Variants in BCHE observed in about 807,000 individuals in gnomAD.
BCHE encodes butyrylcholinesterase.
In BCHE, 48 loss-of-function variants were observed where a neutral mutation model predicts 51.3. That is an observed-to-expected ratio of 0.94 (90% CI 0.74 to 1.19). BCHE has a LOEUF of 1.19. Ranked by LOEUF, BCHE falls within the 50% of genes most tolerant of loss-of-function variation. The pLI, the probability that BCHE is intolerant of heterozygous loss-of-function variation, is 0.00. For missense variants in BCHE, 847 were observed against 708.2 expected, an observed-to-expected ratio of 1.20 and a Z score of -2.23; for synonymous variants, 251 against 238.0, an observed-to-expected ratio of 1.05 and a Z score of -0.50.
intron 2 of BCHE, among the ~76,000 whole-genome samples, chr3:165,821,298 A>G (rs2108228665): frequency 6.6e-6 from 1 of 152,020 alleles, no homozygotes; most frequent in East Asian, 1.9e-4. Context: ...TTGCACAAAT[A>G]CTATATAATA....
At chr3:165,796,067 G>T (rs1405431904) in intron 2 of BCHE, among the ~76,000 whole-genome samples, 2 of 151,948 alleles carry the variant, frequency 1.3e-5, no homozygotes, top group African/African-American at 4.8e-5. Flanking sequence ...AAATAAAAAA[G>T]AAGACTTATT....
chr3:165,833,736 C>T (rs78259038), intron 1 of BCHE, among the ~76,000 whole-genome samples: 1 of 152,034 alleles, frequency 6.6e-6, no homozygotes, highest in African/African-American at 2.4e-5. Flanking sequence ...ATCCTTTTCT[C>T]TTTAATAAAT....
At chr3:165,817,866 A>G (rs145652421) in intron 2 of BCHE, among the ~76,000 whole-genome samples, 283 of 152,214 alleles carry the variant, frequency 1.9e-3, no homozygotes, top group African/African-American at 6.6e-3. Context: ...GCAAATAAAA[A>G]ACAGTGAGGC....
At chr3:165,828,531 G>A (rs1019117700) in intron 2 of BCHE, among the ~76,000 whole-genome samples, 1 of 152,070 alleles carries the variant, frequency 6.6e-6, no homozygotes, top group African/African-American at 2.4e-5. Context: ...ACACCAGAAA[G>A]CAATAATGTA....
intron 2 of BCHE, among the ~76,000 whole-genome samples, chr3:165,789,415 A>G (rs1182704141): frequency 1.3e-5 from 2 of 152,144 alleles, no homozygotes; most frequent in Non-Finnish European, 2.9e-5. Context: ...AAAAGACATC[A>G]ATTGATTCAG....
At chr3:165,794,309 A>C (rs572444890) in intron 2 of BCHE, among the ~76,000 whole-genome samples, 3 of 152,288 alleles carry the variant, frequency 2.0e-5, no homozygotes, top group East Asian at 3.9e-4. Flanking sequence ...ATGAATCTTT[A>C]AAGATAAAAG....
chr3:165,830,274 A>G lies in BCHE; in HGVS notation c.760T>C (p.Ser254Pro). Residue 254 changes from serine to proline, a missense_variant, in exon 2 of 4, where the codon TCC (serine) becomes CCC (proline). Ser to Pro is a moderately conservative substitution (Grantham distance 74). Coordinates refer to ENST00000264381, the MANE Select transcript of BCHE (RefSeq NM_000055.4). ...LFTRAILQSG[S>P]FNAPWAVTSL... ...GTTACCGCCCAAGGAGCATTAAAGG[A>G]TCCACTTTGCAGAATGGCTCTGGTG... is the stretch of plus-strand genomic sequence containing the variant. 1 of 1,614,040 alleles carries G rather than the reference A, an allele frequency of 6.2e-7. No homozygotes were observed. Among genetic ancestry groups the G allele is most frequent in the Non-Finnish European group, 8.5e-7 (1 of 1,179,946 alleles).
In BCHE at chr3:165,829,584, A is replaced by G. The variant is rs751404124; in HGVS notation, c.1450T>C (p.Tyr484His). The stretch of plus-strand genomic sequence containing the variant: ...CTCAAAATTTCCTCGGCTTTTGTGT[A>G]ATTATCTCTTCTTTCCAGAGGTAAA... ...FGLPLERRDN[Y>H]TKAEEILSRS... Residue 484 changes from tyrosine to histidine, a missense_variant, in exon 2 of 4, where the codon TAC (tyrosine) becomes CAC (histidine). Physicochemically the swap from Tyr to His is moderately conservative, Grantham distance 83 (BLOSUM62 2). Transcript: ENST00000264381. The G allele has an allele frequency of 1.2e-6, 2 of 1,613,814 alleles. No individual in the cohort carries two copies. The highest frequency in any genetic ancestry group is 2.2e-5 in the South Asian group (2 of 91,082).
intron 2 of BCHE, among the ~76,000 whole-genome samples, chr3:165,806,756 A>T (rs1234187788): frequency 6.6e-6 from 1 of 152,138 alleles, no homozygotes; most frequent in Non-Finnish European, 1.5e-5. Context: ...ATAGTTTTTT[A>T]AATCTGCCTA....
intron 2 of BCHE, chr3:165,827,945 A>G (rs1714794702): frequency 2.3e-6 from 1 of 427,684 alleles, no homozygotes; most frequent in Non-Finnish European, 4.6e-6. Context: ...ACCAGCTCTC[A>G]TTCAATCATT....
intron 2 of BCHE, among the ~76,000 whole-genome samples, chr3:165,807,338 C>A (rs1335720946): frequency 1.3e-5 from 2 of 151,696 alleles, no homozygotes; most frequent in Non-Finnish European, 2.9e-5. Context: ...TTTTCTAGAA[C>A]CTTATTTGTC....
At chr3:165,798,964 G>A (rs1713533017) in intron 2 of BCHE, among the ~76,000 whole-genome samples, 1 of 152,098 alleles carries the variant, frequency 6.6e-6, no homozygotes, top group East Asian at 1.9e-4. Flanking sequence ...CATTCTCAAT[G>A]ATAGAATTAC....
intron 3 of BCHE, 41 bp downstream of exon 3, chr3:165,786,104 C>A: frequency 6.3e-7 from 1 of 1,582,802 alleles, no homozygotes; most frequent in East Asian, 2.2e-5. Context: ...TTTACATAAC[C>A]CATCATCTAT....
chr3:165,776,231 T>A (rs565092800), intron 3 of BCHE, among the ~76,000 whole-genome samples: 1 of 152,000 alleles, frequency 6.6e-6, no homozygotes, highest in Non-Finnish European at 1.5e-5. Flanking sequence ...AATTATATTG[T>A]AGAACAGTCA....
At chr3:165,790,729 G>T (rs1713132971) in intron 2 of BCHE, among the ~76,000 whole-genome samples, 1 of 152,148 alleles carries the variant, frequency 6.6e-6, no homozygotes, top group Non-Finnish European at 1.5e-5. Flanking sequence ...AAGACTTGAG[G>T]AGAGAAGGGA....
chr3:165,782,864 T>G lies in BCHE; in HGVS notation c.1684+3281A>C, dbSNP rs11922818. ...AGAATGGGGGAGTTCCCTCAGGATT[T>G]TTTTTTTAAAGCATTAATCCCTTTT... On this transcript the variant is annotated intron_variant, in intron 3 of 3. Transcript: ENST00000264381. Among the ~76,000 whole-genome samples the G allele has an allele frequency of 2.2e-3, 341 of 152,156 alleles. 3 individuals are homozygous for G. The highest frequency in any genetic ancestry group is 7.9e-3 in the African/African-American group (327 of 41,526).
intron 1 of BCHE, among the ~76,000 whole-genome samples, chr3:165,836,726 G>A (rs1715202689): frequency 6.6e-6 from 1 of 151,952 alleles, no homozygotes; most frequent in Non-Finnish European, 1.5e-5. Context: ...AGGGCAAAGG[G>A]GACACGCTCA....
chr3:165,796,354 G>A (rs1713376150), intron 2 of BCHE, among the ~76,000 whole-genome samples: 1 of 152,104 alleles, frequency 6.6e-6, no homozygotes, highest in Non-Finnish European at 1.5e-5. Context: ...ACACAAAAAT[G>A]TAAAACTGAA....
At chr3:165,780,162 A>C (rs954126756) in intron 3 of BCHE, among the ~76,000 whole-genome samples, 1 of 152,108 alleles carries the variant, frequency 6.6e-6, no homozygotes, top group South Asian at 2.1e-4. Context: ...AATGGGGAAA[A>C]GATTCCCTAT....
Sources: gnomAD v4.1 joint callset for allele counts (sites outside exome capture counted in the v4.1 genomes callset) on GRCh38, gnomAD v4.1.1 for gene constraint, MANE v1.5 for transcripts, NCBI Gene and HGNC (gene_info 2026-07-23, HGNC 2026-07-21) for gene names.